Variants in TRIM43B observed in about 807,000 individuals in gnomAD.
The protein encoded by TRIM43B is tripartite motif-containing protein 43B.
Under a neutral mutation model 27.0 loss-of-function variants are expected in TRIM43B, and 15 were observed. The observed-to-expected ratio is 0.55, with a 90% confidence interval of 0.37 to 0.85. The LOEUF (loss-of-function observed/expected upper bound fraction) is 0.85, where lower values mean the gene tolerates loss of function less well. Ranked by LOEUF, TRIM43B falls within the 40% of genes least tolerant of loss-of-function variation. The pLI is 0.00. For synonymous variants in TRIM43B, 69 were observed against 97.8 expected, an observed-to-expected ratio of 0.71 and a Z score of 1.74; for missense variants, 172 against 289.8, an observed-to-expected ratio of 0.59 and a Z score of 2.95.
At position 95,484,222 on chromosome 2, in the gene TRIM43B, T is replaced by A. The variant is rs1033438998; in HGVS notation, c.-5+384A>T. 1.4e-4 allele frequency among the ~76,000 whole-genome samples: 21 copies of A among 151,574 alleles called. 1 individual carries two copies. The highest frequency in any genetic ancestry group is 1.1e-3 in the South Asian group (5 of 4,760). ...CGTCTCTACTAAAAAAAATACAAAA[T>A]TTAGATGGGCGTGGTGGCAGGCGGC... On this transcript the variant is annotated intron_variant, in intron 1 of 6. Coordinates refer to ENST00000639673, the Ensembl canonical transcript of TRIM43B.
intron 4 of TRIM43B, 31 bp downstream of exon 4, chr2:95,480,274 A>C: frequency 6.4e-7 from 1 of 1,560,746 alleles, no homozygotes; most frequent in Non-Finnish European, 8.7e-7. Context: ...AGCTAACACA[A>C]AGTGTCTCAA....
intron 3 of TRIM43B, 21 bp downstream of exon 3, chr2:95,481,574 G>A: frequency 6.3e-7 from 1 of 1,592,412 alleles, no homozygotes; most frequent in Non-Finnish European, 8.5e-7. Flanking sequence ...TGGTCAGGAG[G>A]ACTCACGGTC....
At chr2:95,481,943 C>T (rs2104401399) in intron 2 of TRIM43B, among the ~76,000 whole-genome samples, 1 of 151,900 alleles carries the variant, frequency 6.6e-6, no homozygotes, top group South Asian at 2.1e-4. Flanking sequence ...TGCTTCAGAA[C>T]CCACTATGCT....
rs529822689 is a variant in TRIM43B at position 95,483,559 on chromosome 2, C to T, written c.-4-841G>A. 1.8e-4 allele frequency among the ~76,000 whole-genome samples: 27 copies of T among 151,586 alleles called. No individual in the cohort carries two copies. In the South Asian group the frequency reaches 5.7e-3, roughly 32 times the overall value. On this transcript the variant is annotated intron_variant, in intron 1 of 6. Coordinates refer to ENST00000639673, the Ensembl canonical transcript of TRIM43B. ...AGAGGCCGGGCACGGTGGCTGACGC[C>T]TGTAATCCGAGCACTTTGGGAGGCC...
intron 1 of TRIM43B, among the ~76,000 whole-genome samples, chr2:95,482,998 C>A (rs1448098979): frequency 6.6e-6 from 1 of 152,010 alleles, no homozygotes; most frequent in Non-Finnish European, 1.5e-5. Flanking sequence ...TAGTATCCAC[C>A]AAATTGCTTG....
chr2:95,484,003 A>G (rs1353999008), intron 1 of TRIM43B, among the ~76,000 whole-genome samples: 1 of 150,980 alleles, frequency 6.6e-6, no homozygotes, highest in East Asian at 1.9e-4. Flanking sequence ...GAGCTCAGGA[A>G]CTCTAGACTG....
upstream of TRIM43B, chr2:95,484,747 A>C (rs1010740346): frequency 6.6e-6 from 1 of 151,588 alleles, no homozygotes; most frequent in African/African-American, 2.4e-5. Context: ...TGGGCTCTGG[A>C]GAAGAATGAG....
chr2:95,480,468 T>G, exon 4 of TRIM43B: 2 of 1,604,070 alleles, frequency 1.2e-6, no homozygotes, highest in Non-Finnish European at 1.7e-6. Flanking sequence ...TTTTTCTTCC[T>G]TATGGAGAAC....
At chr2:95,483,775 C>A (rs1168361617) in intron 1 of TRIM43B, among the ~76,000 whole-genome samples, 1 of 151,936 alleles carries the variant, frequency 6.6e-6, no homozygotes. Flanking sequence ...TTGCAGTGAG[C>A]CGAGATAGTG....
chr2:95,482,637 G>A (rs749305762), exon 2 of TRIM43B: 1 of 1,613,628 alleles, frequency 6.2e-7, no homozygotes, highest in Admixed American at 1.7e-5. Flanking sequence ...AGCAGATGGT[G>A]ACAGGGTCTA....
rs761841645 is a variant in TRIM43B, at chr2:95,480,302, T to C, written c.738+3A>G. ...TGTCTCAAGGGGCATCCTCCATTCT[T>C]ACCTGGAGCAGCTCCACCTCTGGTT... On this transcript the variant is annotated splice_donor_region_variant and intron_variant, in intron 4 of 6. Coordinates refer to ENST00000639673, the Ensembl canonical transcript of TRIM43B. The C allele has an allele frequency of 5.6e-6, 9 of 1,601,154 alleles. No individual in the cohort carries two copies. The highest frequency in any genetic ancestry group is 7.7e-6 in the Non-Finnish European group (9 of 1,173,854).
rs201662353 is a variant in TRIM43B, at chr2:95,481,599, A to C, written c.503T>G (p.Leu168Trp). Residue 168 changes from leucine (L) to tryptophan (W), a missense_variant, in exon 3 of 7, where the codon TTG becomes TGG. Leu to Trp is a moderately conservative substitution (Grantham distance 61, BLOSUM62 -2). Around this residue, in one of 3 missense-constraint regions of TRIM43B, gnomAD observed 67 missense variants for 66.4 expected, o/e 1.01. Transcript: ENST00000639673. ...GACTCACGGTCTCATACTTACCCTC[A>C]AGAGGAAGGCTGTTCTTCTCTCCTC... 8.5e-4 allele frequency: 1,362 copies of C among 1,610,846 alleles called. 14 individuals are homozygous for C. Among genetic ancestry groups the C allele is most frequent in the Middle Eastern group, 1.0e-3 (6 of 5,928 alleles).
exon 3 of TRIM43B, chr2:95,481,651 T>A (rs1235217499): frequency 3.1e-6 from 5 of 1,612,544 alleles, no homozygotes; most frequent in Middle Eastern, 1.6e-4. Flanking sequence ...TTTTCTTGAA[T>A]CTTTTTCCAT....
At chr2:95,480,653 G>A (rs1683505640) in intron 3 of TRIM43B, 118 bp from the exon 4 acceptor site, 1 of 811,430 alleles carries the variant, frequency 1.2e-6, no homozygotes, top group Non-Finnish European at 1.9e-6. Flanking sequence ...ACAGGATGAT[G>A]AGTTAAGCAA....
At chr2:95,481,000 T>C (rs1468736050) in intron 3 of TRIM43B, among the ~76,000 whole-genome samples, 1 of 152,106 alleles carries the variant, frequency 6.6e-6, no homozygotes, top group Non-Finnish European at 1.5e-5. Flanking sequence ...CTCCTATCTT[T>C]CTTCTGTCAA....
intron 1 of TRIM43B, among the ~76,000 whole-genome samples, chr2:95,484,342 C>G (rs1455886504): frequency 6.6e-6 from 1 of 152,066 alleles, no homozygotes. Context: ...CGCACTCCAG[C>G]CTGGCAATAG....
chr2:95,481,758 C>T, intron 2 of TRIM43B, 68 bp from the exon 3 acceptor site: 1 of 1,521,566 alleles, frequency 6.6e-7, no homozygotes, highest in Non-Finnish European at 8.9e-7. Flanking sequence ...GTGGTATAAG[C>T]AGGCAAGGGA....
Position 95,481,753 on chromosome 2 carries a change from A to G in TRIM43B, c.412-63T>C, listed in dbSNP as rs895793554. On this transcript the variant is annotated intron_variant, in intron 2 of 6. Transcript: ENST00000639673. ...CCAAAGATTCCACCATCTGAGTGGT[A>G]TAAGCAGGCAAGGGATCTAATATAT... 8 of 1,545,176 alleles carry G rather than the reference A, an allele frequency of 5.2e-6. No individual in the cohort carries two copies. In the African/African-American group the frequency reaches 9.7e-5, roughly 19 times the overall value.
chr2:95,481,189 T>C (rs1683515385), intron 3 of TRIM43B, among the ~76,000 whole-genome samples: 2 of 152,090 alleles, frequency 1.3e-5, no homozygotes, highest in Non-Finnish European at 2.9e-5. Flanking sequence ...TGTGGGTCCT[T>C]TGCTACCAGA....
Sources: allele counts gnomAD v4.1 joint callset (sites outside exome capture counted in the v4.1 genomes callset), GRCh38; gene constraint gnomAD v4.1.1; regional missense constraint gnomAD v4.1.1; transcripts MANE v1.5; gene names NCBI Gene and HGNC (gene_info 2026-07-23, HGNC 2026-07-21).